The following MTMR7 variants were observed in gnomAD, a reference collection of about 807,000 sequenced individuals.
The protein encoded by MTMR7 is phosphatidylinositol-3-phosphate phosphatase MTMR7.
A neutral mutation model predicts 81.2 loss-of-function variants in MTMR7; 76 were observed. The observed-to-expected ratio is 0.94, with a 90% CI of 0.78 to 1.13. MTMR7 has a LOEUF of 1.13. Ranked by LOEUF, MTMR7 falls within the 50% of genes most tolerant of loss-of-function variation. MTMR7 has a pLI of 0.00. For missense variants in MTMR7, 1,044 were observed against 820.0 expected (o/e 1.27, Z -3.34); for synonymous variants, 372 against 289.8 (o/e 1.28, Z -2.88).
At chr8:17,301,803 A>C in intron 13 of MTMR7, 2 of 299,160 alleles carry the variant, frequency 6.7e-6, no homozygotes, top group Non-Finnish European at 1.2e-5. Context: ...GTGGGGAAAG[A>C]GTTTTACAAG....
intron 1 of MTMR7, among the ~76,000 whole-genome samples, chr8:17,382,016 G>A (rs1295527399): frequency 6.6e-6 from 1 of 152,180 alleles, no homozygotes; most frequent in African/African-American, 2.4e-5. Context: ...CTGTGACCCA[G>A]TGGTACTTCA....
At chr8:17,392,626 C>G (rs541135199) in intron 1 of MTMR7, among the ~76,000 whole-genome samples, 104 of 152,352 alleles carry the variant, frequency 6.8e-4, no homozygotes, top group African/African-American at 2.3e-3. Context: ...CTGAGCGAAA[C>G]TTGACACCTT....
At position 17,300,211 on chromosome 8, in the gene MTMR7, A is replaced by G; in HGVS notation, c.1634T>C (p.Ile545Thr). ...AGTGCAATTTAACTGGACCTTTTGA[A>G]TTTTTTCCAGCCTCTAAGAAAGAAA... ...LEALEERLEK[I>T]QKVQLNCTKV... The change falls in exon 14 of 14, where the codon ATT (isoleucine) becomes ACT (threonine). Residue 545 changes from isoleucine to threonine, a missense_variant. Ile to Thr is a moderately conservative substitution (Grantham distance 89, BLOSUM62 -1). Coordinates refer to ENST00000180173, the MANE Select transcript of MTMR7 (RefSeq NM_004686.5). 4 of 1,602,090 alleles carry G rather than the reference A, an allele frequency of 2.5e-6. No homozygotes were observed. The highest frequency in any genetic ancestry group is 3.4e-6 in the Non-Finnish European group (4 of 1,173,670).
intron 1 of MTMR7, among the ~76,000 whole-genome samples, chr8:17,392,161 A>G (rs1370875676): frequency 6.6e-6 from 1 of 152,192 alleles, no homozygotes; most frequent in Non-Finnish European, 1.5e-5. Context: ...AGAATGGGAA[A>G]AAAAGCAATA....
chr8:17,347,521 GAT>G (rs1226172604), intron 5 of MTMR7, among the ~76,000 whole-genome samples: 1 of 152,130 alleles, frequency 6.6e-6, no homozygotes, highest in Non-Finnish European at 1.5e-5. Flanking sequence ...CAGGCATGTG[GAT>G]ACACACTCAC....
chr8:17,334,694 C>A (rs949038836), intron 6 of MTMR7, among the ~76,000 whole-genome samples: 1 of 152,214 alleles, frequency 6.6e-6, no homozygotes, highest in Admixed American at 6.5e-5. Flanking sequence ...TTGCCTTCAG[C>A]TTAGAACTGA....
In MTMR7 at chr8:17,297,207, A is replaced by G. The variant is rs7833245; in HGVS notation, c.*2655T>C. 13 of 152,186 alleles carry G rather than the reference A, an allele frequency of 8.5e-5. No homozygotes were observed. Among genetic ancestry groups the G allele is most frequent in the Non-Finnish European group, 1.9e-4 (13 of 68,008 alleles). The allele number at this position is 152,186 out of a possible 1,614,324, so 9.4% of individuals were successfully genotyped here. A position where few individuals can be genotyped will look rare whatever the true frequency, so the allele number is the denominator to read the frequency against. ...ATACTTAGGAGTTACTAGGCTAATCAGTGTACGAATTTGTCATAGGTAGAG... is the reference window on the plus strand; with the variant it reads ...ATACTTAGGAGTTACTAGGCTAATCGGTGTACGAATTTGTCATAGGTAGAG... On this transcript the variant is annotated 3_prime_UTR_variant, in exon 14 of 14. Coordinates refer to ENST00000180173, the MANE Select transcript of MTMR7 (RefSeq NM_004686.5).
In MTMR7 at chr8:17,304,204, C is replaced by G. The variant is rs117093828; in HGVS notation, c.1493+175G>C. On this transcript the variant is annotated intron_variant, in intron 12 of 13. Coordinates refer to ENST00000180173, the MANE Select transcript of MTMR7 (RefSeq NM_004686.5). ...TCCACATTTAGGAGGAATAAAGAGG[C>G]AGAGGAGTCACTGGCAAAAATACCA... Among the ~76,000 whole-genome samples the G allele has an allele frequency of 4.9e-3, 749 of 152,226 alleles. 7 individuals carry two copies. Among genetic ancestry groups the G allele is most frequent in the Middle Eastern group, 0.014 (4 of 294 alleles).
intron 1 of MTMR7, among the ~76,000 whole-genome samples, chr8:17,412,925 A>G (rs1468337536): frequency 1.3e-5 from 2 of 152,166 alleles, no homozygotes; most frequent in African/African-American, 4.8e-5. Flanking sequence ...AGCGGCCAAC[A>G]GCTAAAAGAG....
chr8:17,332,317 A>C (rs1048976935), intron 6 of MTMR7, among the ~76,000 whole-genome samples: 7 of 152,358 alleles, frequency 4.6e-5, no homozygotes, highest in Admixed American at 4.6e-4. Context: ...ATGTTCTTTG[A>C]CACAGATCTC....
intron 5 of MTMR7, among the ~76,000 whole-genome samples, chr8:17,342,208 T>C (rs1819427232): frequency 6.6e-6 from 1 of 152,230 alleles, no homozygotes; most frequent in Non-Finnish European, 1.5e-5. Flanking sequence ...CCCTGAGTTA[T>C]GAGTAGGTAG....
rs778859183 is a variant in MTMR7, at chr8:17,348,969, T to C, written c.581A>G (p.Tyr194Cys). 1.4e-5 allele frequency: 22 copies of C among 1,613,422 alleles called. No homozygotes were observed. The highest frequency in any genetic ancestry group is 2.7e-5 in the African/African-American group (2 of 74,636). The change falls in exon 5 of 14, where the codon TAT becomes TGT. Residue 194 changes from tyrosine (Y) to cysteine (C), a missense_variant. By Grantham distance (194) the Tyr-to-Cys change is radical (BLOSUM62 -2). Transcript: ENST00000180173. ...GAGACTTACGTGGTTATCTTTATAATAGTAAGAAAGGACAGGAAATCGCCG... is the reference window on the plus strand; with the variant it reads ...GAGACTTACGTGGTTATCTTTATAACAGTAAGAAAGGACAGGAAATCGCCG... The part of the protein sequence containing the change: ...SRRRFPVLSY[Y>C]YKDNHASICR...
intron 7 of MTMR7, among the ~76,000 whole-genome samples, chr8:17,329,213 A>G (rs1818861584): frequency 4.6e-5 from 7 of 152,174 alleles, no homozygotes; most frequent in Admixed American, 4.6e-4. Context: ...TAGCTGTTTG[A>G]AGGAGGAAAA....
At chr8:17,312,317 G>A (rs963163798) in intron 8 of MTMR7, among the ~76,000 whole-genome samples, 8 of 152,156 alleles carry the variant, frequency 5.3e-5, no homozygotes, top group Non-Finnish European at 1.2e-4. Flanking sequence ...GCTCACGCAT[G>A]TAATCCCAGC....
At position 17,366,885 on chromosome 8, in the gene MTMR7, C is replaced by CAAAAAAAAAAAAAAAAAAAA. The variant is rs1277882494; in HGVS notation, c.310+4151_310+4152insTTTTTTTTTTTTTTTTTTTT. 2.4e-3 allele frequency among the ~76,000 whole-genome samples: 207 copies of CAAAAAAAAAAAAAAAAAAAA among 88,018 alleles called. 21 individuals carry two copies. The highest frequency in any genetic ancestry group is 0.011 in the African/African-American group (183 of 16,862). The allele number at this position is 88,018 out of a possible 152,430, so 57.7% of individuals were successfully genotyped here. A position where few individuals can be genotyped will look rare whatever the true frequency, so the allele number is the denominator to read the frequency against. ...TGGATGACAGAGCGAGACTCCATCT[C>CAAAAAAAAAAAAAAAAAAAA]AAAAAAAAAAAAACTGTAGCTGAAA... On this transcript the variant is annotated intron_variant, in intron 3 of 13. Transcript: ENST00000180173.
At chr8:17,347,983 T>A (rs1397982148) in intron 5 of MTMR7, among the ~76,000 whole-genome samples, 1 of 152,058 alleles carries the variant, frequency 6.6e-6, no homozygotes, top group Non-Finnish European at 1.5e-5. Context: ...CAGGTGGTGG[T>A]AGAGCAGAAA....
intron 7 of MTMR7, among the ~76,000 whole-genome samples, chr8:17,319,994 T>C (rs1301895190): frequency 6.6e-6 from 1 of 152,124 alleles, no homozygotes; most frequent in African/African-American, 2.4e-5. Flanking sequence ...AAGTGTAAAA[T>C]ATGAATCAAA....
chr8:17,363,446 G>C (rs1820118569), intron 3 of MTMR7, among the ~76,000 whole-genome samples: 1 of 152,184 alleles, frequency 6.6e-6, no homozygotes, highest in Admixed American at 6.5e-5. Context: ...ACTACTGACA[G>C]TTTTCTGCGT....
intron 1 of MTMR7, among the ~76,000 whole-genome samples, chr8:17,405,898 G>C (rs73551390): frequency 0.031 from 4,631 of 150,044 alleles, 237 homozygotes; most frequent in African/African-American, 0.11. Flanking sequence ...AAATGGACAT[G>C]ATTTTCTTTT....
Sources: gnomAD v4.1 joint callset for allele counts (sites outside exome capture counted in the v4.1 genomes callset) on GRCh38, gnomAD v4.1.1 for gene constraint, MANE v1.5 for transcripts, NCBI Gene and HGNC (gene_info 2026-07-23, HGNC 2026-07-21) for gene names.